Variants in SGCZ observed in about 807,000 individuals in gnomAD.
The protein encoded by SGCZ is zeta-sarcoglycan.
SGCZ carries 40 observed loss-of-function variants against 41.3 expected under a neutral mutation model. The observed-to-expected ratio is 0.97, with a 90% CI of 0.75 to 1.26. SGCZ has a LOEUF of 1.26. Ranked by LOEUF, SGCZ falls within the 50% of genes most tolerant of loss-of-function variation. The probability of loss-of-function intolerance (pLI) is 0.00; values close to 1 mark genes in which losing one functional copy is unlikely to be tolerated. For synonymous variants in SGCZ, 206 were observed against 137.5 expected (o/e 1.50, Z -3.49); for missense variants, 552 against 369.8 (o/e 1.49, Z -4.04).
At chr8:15,123,296 A>T (rs1807557172) in intron 1 of SGCZ, among the ~76,000 whole-genome samples, 1 of 152,182 alleles carries the variant, frequency 6.6e-6, no homozygotes, top group Non-Finnish European at 1.5e-5. Flanking sequence ...GATGTATTTT[A>T]TAAAGATTTA....
chr8:14,996,715 A>G (rs1337483286), intron 1 of SGCZ, among the ~76,000 whole-genome samples: 3 of 152,232 alleles, frequency 2.0e-5, no homozygotes, highest in Admixed American at 6.5e-5. Flanking sequence ...AACTCCAGAC[A>G]TCTTCTGGAT....
intron 1 of SGCZ, among the ~76,000 whole-genome samples, chr8:15,176,612 A>C (rs1302721601): frequency 6.6e-6 from 1 of 152,242 alleles, no homozygotes; most frequent in Non-Finnish European, 1.5e-5. Context: ...TGAACAATTT[A>C]AATCCAATAA....
intron 4 of SGCZ, among the ~76,000 whole-genome samples, chr8:14,204,925 T>C (rs1805570647): frequency 6.6e-6 from 1 of 152,080 alleles, no homozygotes; most frequent in Non-Finnish European, 1.5e-5. Flanking sequence ...GTTACTGGAA[T>C]TCCAGGTCTC....
chr8:14,832,572 T>A (rs1802569057), intron 1 of SGCZ, among the ~76,000 whole-genome samples: 1 of 152,176 alleles, frequency 6.6e-6, no homozygotes, highest in South Asian at 2.1e-4. Context: ...ACACATATAC[T>A]TTGTAGAATT....
At chr8:14,913,923 G>A (rs1386180117) in intron 1 of SGCZ, among the ~76,000 whole-genome samples, 1 of 151,774 alleles carries the variant, frequency 6.6e-6, no homozygotes, top group East Asian at 1.9e-4. Flanking sequence ...AGAAATCCCT[G>A]AAAGATCTAA....
At chr8:15,013,833 A>C (rs1053870673) in intron 1 of SGCZ, among the ~76,000 whole-genome samples, 16 of 152,242 alleles carry the variant, frequency 1.1e-4, no homozygotes, top group African/African-American at 3.6e-4. Context: ...ACAAGAAAAC[A>C]GCAAACGAGG....
At chr8:14,757,052 T>C (rs763281413) in intron 1 of SGCZ, among the ~76,000 whole-genome samples, 7 of 152,168 alleles carry the variant, frequency 4.6e-5, no homozygotes, top group African/African-American at 9.7e-5. Flanking sequence ...ATATGTCAAC[T>C]TTTTCTTTTT....
intron 2 of SGCZ, among the ~76,000 whole-genome samples, chr8:14,524,798 G>C (rs942676388): frequency 6.6e-6 from 1 of 151,908 alleles, no homozygotes; most frequent in African/African-American, 2.4e-5. Context: ...CTGTATAATG[G>C]ATTTCAATAA....
chr8:15,144,604 G>A (rs1798987982), intron 1 of SGCZ, among the ~76,000 whole-genome samples: 1 of 152,086 alleles, frequency 6.6e-6, no homozygotes, highest in East Asian at 2.0e-4. Flanking sequence ...TTGGAATACA[G>A]GCACATGCCG....
chr8:15,198,307 C>G (rs1024545035), intron 1 of SGCZ, among the ~76,000 whole-genome samples: 3 of 151,804 alleles, frequency 2.0e-5, no homozygotes. Context: ...GTACATTGAA[C>G]TCAAATTTTA....
chr8:14,860,762 G>T (rs562710260), intron 1 of SGCZ, among the ~76,000 whole-genome samples: 1 of 151,460 alleles, frequency 6.6e-6, no homozygotes, highest in Non-Finnish European at 1.5e-5. Flanking sequence ...GAGGGAGGGA[G>T]GGAGGGAAGA....
chr8:14,641,336 T>A (rs1473492304), intron 1 of SGCZ, among the ~76,000 whole-genome samples: 1 of 151,788 alleles, frequency 6.6e-6, no homozygotes, highest in Non-Finnish European at 1.5e-5. Flanking sequence ...GGATGCATTA[T>A]TCAAGCTGCT....
intron 1 of SGCZ, among the ~76,000 whole-genome samples, chr8:14,767,162 T>G (rs1800062627): frequency 6.6e-6 from 1 of 152,140 alleles, no homozygotes; most frequent in African/African-American, 2.4e-5. Flanking sequence ...AATGTGATGA[T>G]GAGATGTGGC....
intron 2 of SGCZ, among the ~76,000 whole-genome samples, chr8:14,369,021 A>ATGTGTGTGTGTGTGTGTGTG (rs10655274): frequency 6.9e-6 from 1 of 145,418 alleles, no homozygotes; most frequent in Non-Finnish European, 1.5e-5. Flanking sequence ...GCAAATGTAA[A>ATGTGTGTGTGTGTGTGTGTG]TGTGTGTGTG....
chr8:15,019,191 G>C (rs1025336640), intron 1 of SGCZ, among the ~76,000 whole-genome samples: 1 of 152,230 alleles, frequency 6.6e-6, no homozygotes, highest in East Asian at 1.9e-4. Context: ...GTGATTTGAT[G>C]TGATGGACTG....
chr8:14,408,654 G>C (rs1245517022), intron 2 of SGCZ, among the ~76,000 whole-genome samples: 1 of 151,980 alleles, frequency 6.6e-6, no homozygotes, highest in Non-Finnish European at 1.5e-5. Context: ...CATTTGGATG[G>C]TCCCAGGCTG....
chr8:14,402,030 G>C (rs1563306009), intron 2 of SGCZ, among the ~76,000 whole-genome samples: 1 of 152,124 alleles, frequency 6.6e-6, no homozygotes. Flanking sequence ...GCATTTCTCT[G>C]ATGGCCATGG....
chr8:14,610,219 G>C (rs73194122), intron 1 of SGCZ, among the ~76,000 whole-genome samples: 8,326 of 152,128 alleles, frequency 0.055, 269 homozygotes, highest in South Asian at 0.15. Flanking sequence ...GAATCACCTT[G>C]ACCTAAAGAC....
intron 1 of SGCZ, among the ~76,000 whole-genome samples, chr8:14,715,558 A>ACC (rs1276694614): frequency 3.5e-5 from 5 of 143,034 alleles, no homozygotes; most frequent in African/African-American, 1.1e-4. Flanking sequence ...ACACACACAC[A>ACC]CAAACATGCA....
Sources: allele counts gnomAD v4.1 joint callset (sites outside exome capture counted in the v4.1 genomes callset), GRCh38; gene constraint gnomAD v4.1.1; transcripts MANE v1.5; gene names NCBI Gene and HGNC (gene_info 2026-07-23, HGNC 2026-07-21).